DENND2A: variants seen among roughly 807,000 people sequenced by gnomAD.
DENND2A encodes the protein DENN domain-containing protein 2A.
A neutral mutation model predicts 105.3 loss-of-function variants in DENND2A; 53 were observed. The ratio of observed to expected loss-of-function variants is 0.50; its 90% CI spans 0.40 to 0.63. The LOEUF (loss-of-function observed/expected upper bound fraction) is 0.63. Among genes scored for constraint, DENND2A ranks in the 30% least tolerant of loss-of-function variants. The pLI is 0.00. For synonymous variants in DENND2A, 522 were observed against 508.4 expected, an observed-to-expected ratio of 1.03 and a Z score of -0.36; for missense variants, 1,138 against 1,279.6, an observed-to-expected ratio of 0.89 and a Z score of 1.69.
Position 140,525,644 on chromosome 7 carries a change from C to A in DENND2A, c.2547+107G>T, listed in dbSNP as rs886905963. The A allele has an allele frequency of 1.2e-5, 13 of 1,058,164 alleles. No homozygotes were observed. The East Asian group carries it at 3.5e-4, about 29-fold the overall frequency. The allele number at this position is 1,058,164 out of a possible 1,614,324, so 65.5% of individuals were successfully genotyped here. A position where few individuals can be genotyped will look rare whatever the true frequency, so the allele number is the denominator to read the frequency against. On this transcript the variant is annotated intron_variant, in intron 16 of 19. Coordinates refer to ENST00000496613, the MANE Select transcript of DENND2A (RefSeq NM_015689.5). ...GTCCTGGGGTCACACAGCTCTGCCACCCTGCTCTGCAATCCCAAAGAGCCT... is the reference window on the plus strand; with the variant it reads ...GTCCTGGGGTCACACAGCTCTGCCAACCTGCTCTGCAATCCCAAAGAGCCT...
chr7:140,599,649 C>T (rs1299252017), intron 3 of DENND2A, among the ~76,000 whole-genome samples: 1 of 151,818 alleles, frequency 6.6e-6, no homozygotes, highest in Non-Finnish European at 1.5e-5. Flanking sequence ...CTCCTTATCA[C>T]AGCATTATTT....
At chr7:140,578,979 T>G (rs974136620) in intron 5 of DENND2A, among the ~76,000 whole-genome samples, 1 of 152,104 alleles carries the variant, frequency 6.6e-6, no homozygotes, top group Admixed American at 6.6e-5. Flanking sequence ...AAAAACTGTT[T>G]CTAAAAATAA....
intron 14 of DENND2A, among the ~76,000 whole-genome samples, chr7:140,540,149 C>T (rs988810557): frequency 2.0e-5 from 3 of 152,248 alleles, no homozygotes; most frequent in East Asian, 3.8e-4. Context: ...TTCTCACACT[C>T]GCACACCATT....
In DENND2A at chr7:140,527,467, C is replaced by T; in HGVS notation, c.2356G>A (p.Val786Met). Reference protein sequence around the residue: ...SILSKCCHAMVALIYPFAWQH... With the variant: ...SILSKCCHAMMALIYPFAWQH... ...CAGGCGAAGGGGTAGATCAGCGCCACCATCGCGTGGCAGCACTTGGACAGG... is the reference window on the plus strand; with the variant it reads ...CAGGCGAAGGGGTAGATCAGCGCCATCATCGCGTGGCAGCACTTGGACAGG... Residue 786 changes from valine to methionine, a missense_variant, in exon 15 of 20, where the codon GTG (valine) becomes ATG (methionine). Physicochemically the swap from Val to Met is conservative, Grantham distance 21. Transcript: ENST00000496613. The surrounding 1 kb of genome is among the most constrained non-coding windows in gnomAD (Gnocchi z 4.9). 1 of 1,605,732 alleles carries T rather than the reference C, an allele frequency of 6.2e-7. No homozygotes were observed. The highest frequency in any genetic ancestry group is 2.2e-5 in the East Asian group (1 of 44,594).
chr7:140,607,900 A>T (rs1435781818), intron 1 of DENND2A, among the ~76,000 whole-genome samples: 1 of 152,204 alleles, frequency 6.6e-6, no homozygotes, highest in African/African-American at 2.4e-5. Context: ...TGTGTGCAGG[A>T]TGCACCGAAG....
intron 14 of DENND2A, among the ~76,000 whole-genome samples, chr7:140,538,638 C>T (rs550785482): frequency 3.2e-4 from 48 of 152,152 alleles, no homozygotes; most frequent in African/African-American, 1.2e-3. Context: ...TCCTAAGTAG[C>T]TGGGATTACA....
intron 4 of DENND2A, among the ~76,000 whole-genome samples, chr7:140,586,483 T>C (rs1218960405): frequency 4.0e-5 from 6 of 151,816 alleles, no homozygotes; most frequent in African/African-American, 1.5e-4. Context: ...TGCATGAACC[T>C]GGGAGGCGGA....
At chr7:140,579,017 C>T (rs1798421743) in intron 5 of DENND2A, among the ~76,000 whole-genome samples, 2 of 152,290 alleles carry the variant, frequency 1.3e-5, no homozygotes, top group Admixed American at 6.5e-5. Flanking sequence ...GGCTCATGGC[C>T]TGGAGCGGTG....
In DENND2A at chr7:140,605,672, G is replaced by A. The variant is rs137916753; in HGVS notation, c.-146+33C>T. The A allele has an allele frequency of 2.4e-4, 37 of 152,286 alleles. 1 individual carries two copies. Among genetic ancestry groups the A allele is most frequent in the African/African-American group, 7.9e-4 (33 of 41,526 alleles). The allele number at this position is 152,286 out of a possible 1,614,324, so 9.4% of individuals were successfully genotyped here. ...GGTAGGAGAGTAAGAAGCTGGGTCA[G>A]CGTCTACACTCTCGGGGGAGAAGTG... On this transcript the variant is annotated intron_variant, in intron 2 of 19. Coordinates refer to ENST00000496613, the MANE Select transcript of DENND2A (RefSeq NM_015689.5).
At chr7:140,573,656 C>A in intron 6 of DENND2A, 152 bp downstream of exon 6, 2 of 875,698 alleles carry the variant, frequency 2.3e-6, no homozygotes, top group Non-Finnish European at 3.5e-6. Context: ...CCGGATATTC[C>A]AGCCTGCTGG....
At chr7:140,562,719 CA>C (rs774533513) in intron 9 of DENND2A, among the ~76,000 whole-genome samples, 4 of 152,156 alleles carry the variant, frequency 2.6e-5, no homozygotes, top group Non-Finnish European at 4.4e-5. Context: ...TGATTCCCCT[CA>C]GGCTAGACCA....
intron 5 of DENND2A, among the ~76,000 whole-genome samples, chr7:140,575,695 C>T (rs948070653): frequency 2.7e-4 from 41 of 152,232 alleles, no homozygotes; most frequent in African/African-American, 6.7e-4. Flanking sequence ...TTGCCGGGCA[C>T]GGTGGCTCAC....
At chr7:140,620,716 G>A (rs1026138934) in intron 1 of DENND2A, among the ~76,000 whole-genome samples, 7 of 152,140 alleles carry the variant, frequency 4.6e-5, no homozygotes, top group South Asian at 2.1e-4. Context: ...ACTCCGCACC[G>A]GTTTTGCTTT....
chr7:140,619,564 A>T (rs541997981), intron 1 of DENND2A, among the ~76,000 whole-genome samples: 1 of 151,950 alleles, frequency 6.6e-6, no homozygotes, highest in East Asian at 1.9e-4. Context: ...CAGTGGTGCA[A>T]TCTCAGCTCA....
At chr7:140,591,665 TTC>T (rs1383061677) in intron 3 of DENND2A, among the ~76,000 whole-genome samples, 2 of 147,574 alleles carry the variant, frequency 1.4e-5, no homozygotes, top group Middle Eastern at 3.4e-3. Context: ...CTTTCTTTCT[TTC>T]TTTCTCTTTC....
Position 140,550,399 on chromosome 7 carries a change from C to G in DENND2A, c.2038-3460G>C, listed in dbSNP as rs534446582. Among the ~76,000 whole-genome samples the G allele has an allele frequency of 1.4e-4, 22 of 152,140 alleles. No individual in the cohort carries two copies. In the South Asian group the frequency reaches 4.6e-3, roughly 32 times the overall value. On this transcript the variant is annotated intron_variant, in intron 12 of 19. Transcript: ENST00000496613. ...TGAGCCTGAGTTTCGCTGTTGTTGC[C>G]CAGGCTGGAGTGCAGTGGTGCGATC...
At chr7:140,627,166 A>G (rs1004432897) in intron 1 of DENND2A, among the ~76,000 whole-genome samples, 1 of 152,216 alleles carries the variant, frequency 6.6e-6, no homozygotes, top group African/African-American at 2.4e-5. Context: ...ACTAATAAGT[A>G]ATAATGCTCT....
chr7:140,605,571 T>C (rs950573380), intron 2 of DENND2A, 134 bp downstream of exon 2: 1 of 152,222 alleles, frequency 6.6e-6, no homozygotes, highest in Non-Finnish European at 1.5e-5. Flanking sequence ...ATGGAGGCGG[T>C]CTGCAGGAGG....
chr7:140,563,675 TTAA>T (rs1242769259), intron 9 of DENND2A, among the ~76,000 whole-genome samples: 2 of 68,866 alleles, frequency 2.9e-5, no homozygotes, highest in Non-Finnish European at 4.9e-5. Flanking sequence ...CACCATTGCA[TTAA>T]AAAAAAAAAA....
Sources: gnomAD v4.1 joint callset for allele counts (sites outside exome capture counted in the v4.1 genomes callset) on GRCh38, gnomAD v4.1.1 for gene constraint, Gnocchi (gnomAD v3.1) non-coding constraint, MANE v1.5 for transcripts, NCBI Gene and HGNC (gene_info 2026-07-23, HGNC 2026-07-21) for gene names.